The following MYO3B variants were observed in gnomAD, a reference collection of about 807,000 sequenced individuals.
MYO3B encodes the protein myosin IIIB.
A neutral mutation model predicts 174.6 loss-of-function variants in MYO3B; 156 were observed. The observed-to-expected ratio is 0.89, with a 90% CI of 0.78 to 1.02. MYO3B has a LOEUF of 1.02. Ranked by LOEUF, MYO3B falls within the 50% of genes least tolerant of loss-of-function variation. The pLI, the probability that MYO3B is intolerant of heterozygous loss-of-function variation, is 0.00. For synonymous variants in MYO3B, 563 were observed against 569.1 expected, an observed-to-expected ratio of 0.99 and a Z score of 0.15; for missense variants, 1,632 against 1,639.4, an observed-to-expected ratio of 1.00 and a Z score of 0.08.
intron 32 of MYO3B, among the ~76,000 whole-genome samples, chr2:170,633,097 G>C (rs910960339): frequency 7.9e-5 from 12 of 152,296 alleles, no homozygotes; most frequent in East Asian, 5.8e-4. Context: ...TAGAAAAAGA[G>C]GGAATCCTCC....
intron 7 of MYO3B, among the ~76,000 whole-genome samples, chr2:170,252,840 G>C (rs1559336822): frequency 2.0e-5 from 3 of 152,232 alleles, no homozygotes; most frequent in South Asian, 4.2e-4. Context: ...TAAGTGCAAA[G>C]GTCCTGAGGT....
At chr2:170,478,790 C>T (rs899149952) in intron 25 of MYO3B, among the ~76,000 whole-genome samples, 68 of 148,334 alleles carry the variant, frequency 4.6e-4, no homozygotes, top group Middle Eastern at 3.5e-3. Flanking sequence ...AGGCTGATCT[C>T]GAACTCCTGA....
chr2:170,407,084 A>C (rs149802879), intron 21 of MYO3B, among the ~76,000 whole-genome samples: 5,358 of 152,320 alleles, frequency 0.035, 149 homozygotes, highest in South Asian at 0.099. Flanking sequence ...TGTTTACCTC[A>C]TAGGATGGAT....
At chr2:170,225,676 TTA>T (rs2092944618) in intron 6 of MYO3B, among the ~76,000 whole-genome samples, 2 of 152,274 alleles carry the variant, frequency 1.3e-5, no homozygotes, top group Admixed American at 1.3e-4. Context: ...AGCACAAATT[TTA>T]GAGTCAGATA....
intron 5 of MYO3B, among the ~76,000 whole-genome samples, chr2:170,215,329 C>A (rs1046977258): frequency 4.6e-5 from 7 of 152,140 alleles, no homozygotes; most frequent in Non-Finnish European, 1.0e-4. Context: ...GAACTGGAAA[C>A]ATTAACGGGA....
intron 22 of MYO3B, among the ~76,000 whole-genome samples, chr2:170,415,282 T>C (rs2094570842): frequency 6.6e-6 from 1 of 152,234 alleles, no homozygotes; most frequent in Non-Finnish European, 1.5e-5. Flanking sequence ...GACATACCCA[T>C]GGCTAACTTC....
At chr2:170,520,458 TAC>T (rs960845081) in intron 30 of MYO3B, among the ~76,000 whole-genome samples, 1 of 142,762 alleles carries the variant, frequency 7.0e-6, no homozygotes, top group African/African-American at 2.7e-5. Flanking sequence ...CATATATATA[TAC>T]ACACACATAT....
At chr2:170,456,645 G>A (rs190199156) in intron 23 of MYO3B, among the ~76,000 whole-genome samples, 26 of 152,288 alleles carry the variant, frequency 1.7e-4, no homozygotes, top group Admixed American at 1.6e-3. Flanking sequence ...CTCTCCTTCT[G>A]CCACTGAACG....
intron 28 of MYO3B, among the ~76,000 whole-genome samples, chr2:170,511,601 G>A (rs1687995181): frequency 6.6e-6 from 1 of 152,140 alleles, no homozygotes; most frequent in Non-Finnish European, 1.5e-5. Flanking sequence ...AGTAGGCTAG[G>A]AATCTTGCTT....
chr2:170,358,989 G>C (rs933299590), intron 8 of MYO3B, among the ~76,000 whole-genome samples: 2 of 152,086 alleles, frequency 1.3e-5, no homozygotes, highest in Non-Finnish European at 2.9e-5. Flanking sequence ...AAATGAGCGA[G>C]AGTAGTCAGA....
chr2:170,356,522 C>T (rs1049126075), intron 8 of MYO3B, among the ~76,000 whole-genome samples: 7 of 151,836 alleles, frequency 4.6e-5, no homozygotes, highest in African/African-American at 1.7e-4. Flanking sequence ...ATCACCACAC[C>T]TGGCTAATTT....
At chr2:170,466,749 G>T in intron 25 of MYO3B, 38 bp downstream of exon 25, 1 of 1,599,850 alleles carries the variant, frequency 6.3e-7, no homozygotes, top group South Asian at 1.1e-5. Context: ...TCTTATAAAT[G>T]TAGCTCTACT....
chr2:170,223,381 C>T (rs530122140), intron 6 of MYO3B, among the ~76,000 whole-genome samples: 2 of 152,258 alleles, frequency 1.3e-5, no homozygotes, highest in South Asian at 2.1e-4. Flanking sequence ...CCCACATTTG[C>T]GTAGAATTTT....
chr2:170,359,026 A>G (rs899347673), intron 8 of MYO3B, among the ~76,000 whole-genome samples: 1 of 152,204 alleles, frequency 6.6e-6, no homozygotes, highest in African/African-American at 2.4e-5. Context: ...TAAGAGATGT[A>G]GCATCACTAC....
chr2:170,371,548 C>G (rs2105694107), intron 9 of MYO3B, among the ~76,000 whole-genome samples: 1 of 152,278 alleles, frequency 6.6e-6, no homozygotes, highest in South Asian at 2.1e-4. Flanking sequence ...CCTGCCACCT[C>G]TCTTGTACTA....
chr2:170,613,348 A>G (rs1408333127), intron 32 of MYO3B, among the ~76,000 whole-genome samples: 1 of 152,184 alleles, frequency 6.6e-6, no homozygotes, highest in Non-Finnish European at 1.5e-5. Flanking sequence ...TCCATTTGAT[A>G]TCTTAAGTCT....
At chr2:170,309,049 G>T (rs1447654048) in intron 7 of MYO3B, among the ~76,000 whole-genome samples, 1 of 152,162 alleles carries the variant, frequency 6.6e-6, no homozygotes, top group African/African-American at 2.4e-5. Flanking sequence ...TCTCCCTGTT[G>T]AATCTATAGA....
chr2:170,645,424 G>A lies in MYO3B; in HGVS notation c.3734-6204G>A, dbSNP rs1426075884. On this transcript the variant is annotated intron_variant, in intron 32 of 34. Coordinates refer to ENST00000408978, the MANE Select transcript of MYO3B (RefSeq NM_138995.5). ...GTGGAGGTTGCAGTGAACTGAGATC[G>A]TGCCACTGCACTCCAGCCTGGGTGA... Among the ~76,000 whole-genome samples, 7 of 147,414 alleles carry A rather than the reference G, an allele frequency of 4.7e-5. No individual in the cohort carries two copies. In the East Asian group the frequency reaches 1.2e-3, roughly 25 times the overall value.
At chr2:170,480,058 T>TATAA (rs895230910) in intron 25 of MYO3B, among the ~76,000 whole-genome samples, 10 of 149,874 alleles carry the variant, frequency 6.7e-5, no homozygotes, top group Admixed American at 2.7e-4. Flanking sequence ...TATATATATA[T>TATAA]AAAATAACAC....
Sources: allele counts gnomAD v4.1 joint callset (sites outside exome capture counted in the v4.1 genomes callset), GRCh38; gene constraint gnomAD v4.1.1; transcripts MANE v1.5; gene names NCBI Gene and HGNC (gene_info 2026-07-23, HGNC 2026-07-21).